The following TENM4 variants were observed in gnomAD, a reference collection of about 807,000 sequenced individuals.
TENM4 encodes the protein teneurin-4.
Under a neutral mutation model 243.3 loss-of-function variants are expected in TENM4, and 82 were observed. The ratio of observed to expected loss-of-function variants is 0.34; its 90% CI spans 0.28 to 0.40. TENM4 has a LOEUF of 0.40. Ranked by LOEUF, TENM4 falls within the 10% of genes least tolerant of loss-of-function variation. The probability of loss-of-function intolerance (pLI) is 1.00; values close to 1 mark genes in which losing one functional copy is unlikely to be tolerated. For synonymous variants in TENM4, 1,412 were observed against 1,456.3 expected, an observed-to-expected ratio of 0.97 and a Z score of 0.69; for missense variants, 3,138 against 3,673.3, an observed-to-expected ratio of 0.85 and a Z score of 3.77.
chr11:78,750,557 G>T (rs1308140191), intron 19 of TENM4, among the ~76,000 whole-genome samples: 1 of 152,234 alleles, frequency 6.6e-6, no homozygotes, highest in Admixed American at 6.5e-5. Context: ...TGTAGGAGAG[G>T]CAGCTCTCAT....
At chr11:78,807,378 A>G (rs1439719299) in intron 14 of TENM4, among the ~76,000 whole-genome samples, 1 of 152,196 alleles carries the variant, frequency 6.6e-6, no homozygotes, top group Admixed American at 6.5e-5. Context: ...TCTGATCCTG[A>G]GGCCAATATT....
intron 5 of TENM4, chr11:79,068,353 C>G (rs1246218066): frequency 6.6e-6 from 1 of 152,216 alleles, no homozygotes; most frequent in Middle Eastern, 3.2e-3. Flanking sequence ...AAATCTAGGT[C>G]TGTTTGATGC....
intron 1 of TENM4, among the ~76,000 whole-genome samples, chr11:79,338,689 A>C (rs921506029): frequency 7.2e-5 from 11 of 152,228 alleles, no homozygotes; most frequent in African/African-American, 2.7e-4. Context: ...CAGCCTAGGG[A>C]GACAAGAATT....
chr11:78,790,227 CT>C, intron 15 of TENM4, among the ~76,000 whole-genome samples: 1 of 152,314 alleles, frequency 6.6e-6, no homozygotes, highest in South Asian at 2.1e-4. Context: ...ATGCCTGCAC[CT>C]TTTTGCTATG....
intron 6 of TENM4, among the ~76,000 whole-genome samples, chr11:78,982,286 A>T (rs1030494043): frequency 6.6e-6 from 1 of 152,150 alleles, no homozygotes; most frequent in Non-Finnish European, 1.5e-5. Flanking sequence ...CTTGTCTAAC[A>T]AGGCAGATAC....
At chr11:79,410,907 G>A (rs1858685472) in intron 1 of TENM4, among the ~76,000 whole-genome samples, 1 of 151,810 alleles carries the variant, frequency 6.6e-6, no homozygotes, top group Admixed American at 6.6e-5. Flanking sequence ...CTCCATGTCG[G>A]GCCTACCTCT....
intron 6 of TENM4, among the ~76,000 whole-genome samples, chr11:79,053,492 T>TA (rs780332575): frequency 3.9e-5 from 6 of 152,248 alleles, no homozygotes; most frequent in Non-Finnish European, 8.8e-5. Context: ...CATCTCCTGC[T>TA]ATGATGCAAC....
chr11:79,137,784 G>A (rs1862139794), intron 4 of TENM4, among the ~76,000 whole-genome samples: 1 of 152,102 alleles, frequency 6.6e-6, no homozygotes, highest in Admixed American at 6.6e-5. Context: ...CATTTGGGTT[G>A]GGGATTGGTG....
chr11:79,176,310 A>G (rs1350145945), intron 3 of TENM4, among the ~76,000 whole-genome samples: 2 of 152,100 alleles, frequency 1.3e-5, no homozygotes, highest in Non-Finnish European at 2.9e-5. Context: ...CATCTTCTAC[A>G]CTCCATTTAC....
chr11:79,006,190 C>G lies in TENM4; in HGVS notation c.493+58548G>C, dbSNP rs1313882455. Among the ~76,000 whole-genome samples the G allele has an allele frequency of 2.6e-5, 4 of 152,224 alleles. No homozygotes were observed. The East Asian group carries it at 7.7e-4, about 29-fold the overall frequency. ...GTTTTCCTCACCACTTCTCTTTTCC[C>G]CTCCCTAATCAGTACCTCCCTTTCT... On this transcript the variant is annotated intron_variant, in intron 6 of 33. Coordinates refer to ENST00000278550, the MANE Select transcript of TENM4 (RefSeq NM_001098816.3).
intron 4 of TENM4, among the ~76,000 whole-genome samples, chr11:79,122,688 A>G (rs529370279): frequency 8.5e-5 from 13 of 152,298 alleles, no homozygotes; most frequent in African/African-American, 2.6e-4. Flanking sequence ...ACAAGAGTCC[A>G]CTGCCTCCAT....
intron 3 of TENM4, among the ~76,000 whole-genome samples, chr11:79,156,577 A>G (rs1020603522): frequency 1.3e-5 from 2 of 151,950 alleles, no homozygotes; most frequent in Non-Finnish European, 2.9e-5. Context: ...GTGGAAGGTT[A>G]CCTCCTCCTG....
At chr11:79,342,005 G>A (rs920703599) in intron 1 of TENM4, among the ~76,000 whole-genome samples, 31 of 152,228 alleles carry the variant, frequency 2.0e-4, no homozygotes, top group African/African-American at 7.0e-4. Context: ...GCACACAGAA[G>A]CATTGGGTGC....
Position 78,934,997 on chromosome 11 carries a change from C to CTTTTTT in TENM4, c.494-31480_494-31475dup, listed in dbSNP as rs530062569. Among the ~76,000 whole-genome samples the CTTTTTT allele has an allele frequency of 3.7e-3, 301 of 81,096 alleles. 37 individuals carry two copies. The highest frequency in any genetic ancestry group is 0.011 in the African/African-American group (206 of 19,028). 53.2% of individuals were successfully genotyped at this position (81,096 alleles called of 152,430 possible). A position where few individuals can be genotyped will look rare whatever the true frequency, so the allele number is the denominator to read the frequency against. Reference sequence around the variant, plus strand: ...ATTTTGTGAGTGAGGAAGTATGCAACTTTTTTTTTTTTTTTTTTTTTTTTT... The same window carrying CTTTTTT: ...ATTTTGTGAGTGAGGAAGTATGCAACTTTTTTTTTTTTTTTTTTTTTTTTTTTTTTT... On this transcript the variant is annotated intron_variant, in intron 6 of 33. Coordinates refer to ENST00000278550, the MANE Select transcript of TENM4 (RefSeq NM_001098816.3).
chr11:78,883,919 G>C, intron 9 of TENM4, among the ~76,000 whole-genome samples: 1 of 152,308 alleles, frequency 6.6e-6, no homozygotes, highest in South Asian at 2.1e-4. Context: ...TGACTAACAC[G>C]GGCCAGGAAG....
At chr11:78,684,729 T>C (rs1858624425) in intron 29 of TENM4, among the ~76,000 whole-genome samples, 1 of 152,226 alleles carries the variant, frequency 6.6e-6, no homozygotes, top group Admixed American at 6.5e-5. Context: ...TCTCACTGCC[T>C]TCATGCAGAA....
At chr11:79,302,668 G>A (rs756306116) in intron 1 of TENM4, among the ~76,000 whole-genome samples, 24 of 152,064 alleles carry the variant, frequency 1.6e-4, no homozygotes, top group Non-Finnish European at 3.1e-4. Flanking sequence ...TACTTCTCTA[G>A]CCACATCTCT....
At chr11:79,214,723 T>G (rs1389586642) in intron 3 of TENM4, among the ~76,000 whole-genome samples, 2 of 152,208 alleles carry the variant, frequency 1.3e-5, no homozygotes, top group Non-Finnish European at 2.9e-5. Context: ...GGGTGGTGTG[T>G]CACTTCAGGA....
At chr11:79,421,908 A>G (rs1385828839) in intron 1 of TENM4, among the ~76,000 whole-genome samples, 2 of 152,056 alleles carry the variant, frequency 1.3e-5, no homozygotes, top group African/African-American at 2.4e-5. Flanking sequence ...GCTGCCAATC[A>G]TCACCCCCTT....
Sources: allele counts gnomAD v4.1 joint callset (sites outside exome capture counted in the v4.1 genomes callset), GRCh38; gene constraint gnomAD v4.1.1; transcripts MANE v1.5; gene names NCBI Gene and HGNC (gene_info 2026-07-23, HGNC 2026-07-21).